TSHR: variants seen among roughly 807,000 people sequenced by gnomAD.
TSHR encodes the protein thyroid stimulating hormone receptor, also known as thyrotropin receptor.
In TSHR, 51 loss-of-function variants were observed where a neutral mutation model predicts 64.1. The ratio of observed to expected loss-of-function variants is 0.80; its 90% CI spans 0.64 to 1.01. TSHR has a LOEUF of 1.01. TSHR is among the 50% of genes least tolerant of loss of function. The probability of loss-of-function intolerance (pLI) is 0.00; values close to 1 mark genes in which losing one functional copy is unlikely to be tolerated. For missense variants in TSHR, 877 were observed against 942.8 expected (o/e 0.93, Z 0.91); for synonymous variants, 361 against 361.9 (o/e 1.00, Z 0.03).
chr14:81,082,426 G>T (rs1887971485), intron 3 of TSHR, among the ~76,000 whole-genome samples: 1 of 152,184 alleles, frequency 6.6e-6, no homozygotes, highest in African/African-American at 2.4e-5. Flanking sequence ...CTGTAAACTT[G>T]CTTCAAGCTA....
intron 1 of TSHR, among the ~76,000 whole-genome samples, chr14:80,956,130 C>T (rs555121709): frequency 6.6e-6 from 1 of 152,344 alleles, no homozygotes; most frequent in East Asian, 1.9e-4. Flanking sequence ...CAACAAGCTG[C>T]TATTCAGCAC....
chr14:81,048,518 T>C (rs1216345877), intron 1 of TSHR, among the ~76,000 whole-genome samples: 2 of 152,164 alleles, frequency 1.3e-5, no homozygotes, highest in Non-Finnish European at 2.9e-5. Flanking sequence ...GAGTGTGTCC[T>C]GTAATGGAAT....
intron 1 of TSHR, among the ~76,000 whole-genome samples, chr14:81,044,629 G>A (rs111471979): frequency 0.01 from 1,479 of 145,122 alleles, 20 homozygotes; most frequent in Middle Eastern, 0.036. Context: ...CTGCACTCCA[G>A]CCTGGGCGAC....
chr14:81,114,774 G>A (rs2140048163), intron 8 of TSHR, among the ~76,000 whole-genome samples: 1 of 152,326 alleles, frequency 6.6e-6, no homozygotes, highest in East Asian at 1.9e-4. Context: ...AGACTTAAAT[G>A]TCCCTGTCTG....
intron 1 of TSHR, among the ~76,000 whole-genome samples, chr14:80,985,440 T>C (rs182331779): frequency 6.6e-6 from 1 of 152,348 alleles, no homozygotes; most frequent in Non-Finnish European, 1.5e-5. Context: ...ATAAATGTAA[T>C]CGGAGAAATT....
chr14:81,083,120 T>C (rs1888030267), intron 3 of TSHR, among the ~76,000 whole-genome samples: 1 of 152,214 alleles, frequency 6.6e-6, no homozygotes. Flanking sequence ...CCTTCTCTCA[T>C]CCTGCTGATT....
chr14:80,998,114 T>C (rs1397691309), intron 1 of TSHR, among the ~76,000 whole-genome samples: 3 of 152,142 alleles, frequency 2.0e-5, no homozygotes, highest in Admixed American at 6.5e-5. Flanking sequence ...AAGGAAGAAA[T>C]AGAATCCTTG....
At chr14:81,120,637 CTTCT>C (rs1468499166) in intron 8 of TSHR, among the ~76,000 whole-genome samples, 4 of 152,250 alleles carry the variant, frequency 2.6e-5, no homozygotes, top group Non-Finnish European at 4.4e-5. Flanking sequence ...AACAGTTTCT[CTTCT>C]TTCTTTAGGA....
At chr14:81,116,928 G>A (rs1366015841) in intron 8 of TSHR, among the ~76,000 whole-genome samples, 7 of 142,436 alleles carry the variant, frequency 4.9e-5, no homozygotes, top group Non-Finnish European at 9.0e-5. Context: ...GCTCCTGAAT[G>A]ACTACTGGGT....
intron 1 of TSHR, among the ~76,000 whole-genome samples, chr14:81,021,156 G>C (rs4899784): frequency 0.66 from 99,645 of 151,782 alleles, 32,761 homozygotes; most frequent in Non-Finnish European, 0.68. Flanking sequence ...CCAGAACCAT[G>C]CCCCCGACCC....
intron 8 of TSHR, among the ~76,000 whole-genome samples, chr14:81,133,520 C>T (rs771918364): frequency 9.9e-5 from 15 of 152,176 alleles, no homozygotes; most frequent in Non-Finnish European, 1.8e-4. Context: ...AGCATTAATC[C>T]TGTACTCTAT....
chr14:80,996,564 G>A (rs187854695), intron 1 of TSHR, among the ~76,000 whole-genome samples: 11 of 148,024 alleles, frequency 7.4e-5, no homozygotes, highest in African/African-American at 2.7e-4. Flanking sequence ...CTAAGTGGAC[G>A]AAGAACTCCC....
At chr14:81,083,965 G>C (rs901907083) in intron 3 of TSHR, among the ~76,000 whole-genome samples, 1 of 152,144 alleles carries the variant, frequency 6.6e-6, no homozygotes, top group Non-Finnish European at 1.5e-5. Flanking sequence ...ACTATCACGA[G>C]AACAGCATGG....
At chr14:81,055,012 C>T (rs146825600) in intron 1 of TSHR, among the ~76,000 whole-genome samples, 1 of 152,062 alleles carries the variant, frequency 6.6e-6, no homozygotes, top group African/African-American at 2.4e-5. Flanking sequence ...TGTGGCAGCC[C>T]CTTTCATCAC....
At chr14:80,963,617 G>A (rs1354252450) in intron 1 of TSHR, among the ~76,000 whole-genome samples, 3 of 152,220 alleles carry the variant, frequency 2.0e-5, no homozygotes, top group Non-Finnish European at 2.9e-5. Flanking sequence ...GGATATGATC[G>A]AATGGTAATA....
chr14:81,074,484 G>GAA (rs1887345908), intron 3 of TSHR, among the ~76,000 whole-genome samples: 4 of 152,124 alleles, frequency 2.6e-5, no homozygotes, highest in Admixed American at 2.0e-4. Flanking sequence ...GGTTTTGTGG[G>GAA]TATAAGGCAT....
chr14:81,009,823 G>A (rs1335882670), intron 1 of TSHR, among the ~76,000 whole-genome samples: 2 of 152,028 alleles, frequency 1.3e-5, no homozygotes, highest in Admixed American at 6.6e-5. Context: ...GTCTTGCAAA[G>A]GTTGCTAGAC....
chr14:81,143,073 G>A lies in TSHR; in HGVS notation c.1015G>A (p.Glu339Lys), dbSNP rs150821978. The A allele has an allele frequency of 1.2e-6, 2 of 1,614,050 alleles. No individual in the cohort carries two copies. Among genetic ancestry groups the A allele is most frequent in the African/African-American group, 2.7e-5 (2 of 74,904 alleles). Reference protein sequence around the residue: ...NLGDSIVGYKEKSKFQDTHNN... With the variant: ...NLGDSIVGYKKKSKFQDTHNN... ...GGGTGACAGCATTGTTGGGTACAAG[G>A]AAAAGTCCAAGTTCCAGGATACTCA... The change falls in exon 10 of 10, where the codon GAA (glutamate) becomes AAA (lysine). Residue 339 changes from glutamate (E) to lysine (K), a missense_variant. By Grantham distance (56) the Glu-to-Lys change is moderately conservative (BLOSUM62 1). Coordinates refer to ENST00000298171, the MANE Select transcript of TSHR (RefSeq NM_000369.5).
intron 1 of TSHR, among the ~76,000 whole-genome samples, chr14:81,011,430 AT>A (rs1889901808): frequency 6.6e-6 from 1 of 151,996 alleles, no homozygotes; most frequent in East Asian, 1.9e-4. Flanking sequence ...GTTTCTTTTA[AT>A]TTTTAAAAGC....
Sources: gnomAD v4.1 joint callset for allele counts (sites outside exome capture counted in the v4.1 genomes callset) on GRCh38, gnomAD v4.1.1 for gene constraint, MANE v1.5 for transcripts, NCBI Gene and HGNC (gene_info 2026-07-23, HGNC 2026-07-21) for gene names.